The following MYO1E variants were observed in gnomAD, a reference collection of about 807,000 sequenced individuals.
MYO1E encodes unconventional myosin-Ie.
MYO1E carries 68 observed loss-of-function variants against 151.1 expected under a neutral mutation model. The observed-to-expected ratio is 0.45, with a 90% CI of 0.37 to 0.55. The LOEUF (loss-of-function observed/expected upper bound fraction) is 0.55. Among genes scored for constraint, MYO1E ranks in the 20% least tolerant of loss-of-function variants. MYO1E has a pLI of 0.00. For synonymous variants in MYO1E, 601 were observed against 501.7 expected (o/e 1.20, Z -2.64); for missense variants, 1,363 against 1,389.3 (o/e 0.98, Z 0.30).
intron 22 of MYO1E, among the ~76,000 whole-genome samples, chr15:59,167,390 C>T (rs554374262): frequency 1.2e-4 from 19 of 152,254 alleles, no homozygotes; most frequent in African/African-American, 4.6e-4. Context: ...TTCCATGGCA[C>T]CGAACTCAAC....
intron 1 of MYO1E, among the ~76,000 whole-genome samples, chr15:59,357,853 C>G (rs776650873): frequency 5.3e-5 from 8 of 151,910 alleles, no homozygotes; most frequent in Non-Finnish European, 1.2e-4. Flanking sequence ...TTGATTCCAG[C>G]CAGACACAAG....
chr15:59,296,779 T>C (rs531063202), intron 1 of MYO1E, among the ~76,000 whole-genome samples: 51 of 151,950 alleles, frequency 3.4e-4, no homozygotes, highest in African/African-American at 1.1e-3. Flanking sequence ...GTTTAAACCA[T>C]CTATTTTTAA....
chr15:59,353,066 T>C (rs2080832680), intron 1 of MYO1E, among the ~76,000 whole-genome samples: 1 of 152,182 alleles, frequency 6.6e-6, no homozygotes, highest in Non-Finnish European at 1.5e-5. Flanking sequence ...CCAACGGCAG[T>C]TGATTTTTAA....
chr15:59,139,495 A>T (rs1196668317), intron 26 of MYO1E, among the ~76,000 whole-genome samples: 1 of 81,384 alleles, frequency 1.2e-5, no homozygotes, highest in African/African-American at 6.4e-5. Flanking sequence ...CTTCTTTCCC[A>T]CCCCCTTATT....
At chr15:59,181,365 A>G (rs1008925754) in intron 18 of MYO1E, among the ~76,000 whole-genome samples, 8 of 152,354 alleles carry the variant, frequency 5.3e-5, no homozygotes, top group African/African-American at 1.9e-4. Flanking sequence ...ATTTCTGCCA[A>G]CCACAGAAAG....
At chr15:59,326,261 C>T (rs1033809357) in intron 1 of MYO1E, among the ~76,000 whole-genome samples, 15 of 151,936 alleles carry the variant, frequency 9.9e-5, no homozygotes, top group African/African-American at 3.6e-4. Context: ...GGCTCACGCC[C>T]GTAATTCCAG....
At chr15:59,343,803 C>T (rs751675360) in intron 1 of MYO1E, among the ~76,000 whole-genome samples, 2 of 152,016 alleles carry the variant, frequency 1.3e-5, no homozygotes, top group Non-Finnish European at 2.9e-5. Flanking sequence ...CAGACTCTGA[C>T]GCATTCTTCA....
intron 16 of MYO1E, among the ~76,000 whole-genome samples, chr15:59,201,689 C>A (rs2079803256): frequency 1.3e-5 from 2 of 152,208 alleles, no homozygotes; most frequent in South Asian, 4.1e-4. Flanking sequence ...CAGGCGTGAG[C>A]CACCGCACCC....
intron 13 of MYO1E, among the ~76,000 whole-genome samples, chr15:59,209,694 GTAAA>G (rs759023352): frequency 1.1e-3 from 159 of 150,722 alleles, no homozygotes; most frequent in Non-Finnish European, 1.8e-3. Flanking sequence ...AAATAAACAT[GTAAA>G]TAAATAAATA....
At chr15:59,210,686 A>T in intron 12 of MYO1E, 86 bp from the exon 13 acceptor site, 1 of 919,942 alleles carries the variant, frequency 1.1e-6, no homozygotes, top group East Asian at 2.4e-5. Context: ...AAAAATTCCC[A>T]TAAAAGAGAA....
At position 59,178,546 on chromosome 15, in the gene MYO1E, A is replaced by C. The variant is rs766550126; in HGVS notation, c.1905-9T>G. 1 of 1,613,708 alleles carries C rather than the reference A, an allele frequency of 6.2e-7. No homozygotes were observed. Among genetic ancestry groups the C allele is most frequent in the Admixed American group, 1.7e-5 (1 of 60,000 alleles). On this transcript the variant is annotated splice_polypyrimidine_tract_variant and intron_variant, in intron 18 of 27. Transcript: ENST00000288235. Reference sequence around the variant, plus strand: ...TGGTCAGAATGGCATACCTGTGGGGACATTGGGGAGAAGAGAATCACACTT... The same window carrying C: ...TGGTCAGAATGGCATACCTGTGGGGCCATTGGGGAGAAGAGAATCACACTT...
chr15:59,323,433 G>A (rs1393643024), intron 1 of MYO1E, among the ~76,000 whole-genome samples: 1 of 151,562 alleles, frequency 6.6e-6, no homozygotes, highest in African/African-American at 2.4e-5. Context: ...GTGGGAGATG[G>A]CAAGGTCAGG....
intron 1 of MYO1E, among the ~76,000 whole-genome samples, chr15:59,353,426 C>G (rs1317758359): frequency 6.8e-6 from 1 of 147,634 alleles, no homozygotes; most frequent in African/African-American, 2.5e-5. Flanking sequence ...ATTTACAACA[C>G]GAACCAGAAT....
chr15:59,228,755 A>G (rs1166632182), intron 6 of MYO1E, among the ~76,000 whole-genome samples: 2 of 152,146 alleles, frequency 1.3e-5, no homozygotes, highest in African/African-American at 4.8e-5. Flanking sequence ...CATCTCAGGG[A>G]TGAATTCAGC....
At chr15:59,263,036 A>G (rs2080233252) in intron 2 of MYO1E, among the ~76,000 whole-genome samples, 1 of 150,892 alleles carries the variant, frequency 6.6e-6, no homozygotes, top group South Asian at 2.1e-4. Context: ...AAAAAAATCT[A>G]AACAACACAC....
intron 1 of MYO1E, among the ~76,000 whole-genome samples, chr15:59,331,827 T>A (rs567078480): frequency 6.6e-6 from 1 of 152,252 alleles, no homozygotes; most frequent in South Asian, 2.1e-4. Flanking sequence ...TCTGTTTATA[T>A]GTAGCTAGTT....
At chr15:59,319,331 T>C (rs1335820856) in intron 1 of MYO1E, among the ~76,000 whole-genome samples, 2 of 151,722 alleles carry the variant, frequency 1.3e-5, no homozygotes, top group Non-Finnish European at 2.9e-5. Flanking sequence ...AAAAAGAAAA[T>C]TTAGTTCAAA....
rs2079351748 is a variant in MYO1E at position 59,132,622 on chromosome 15, T to A, written c.*4758A>T. 1 of 152,036 alleles carries A rather than the reference T, an allele frequency of 6.6e-6. No homozygotes were observed. Among genetic ancestry groups the A allele is most frequent in the South Asian group, 2.1e-4 (1 of 4,820 alleles). The allele number at this position is 152,036 out of a possible 1,614,324, so 9.4% of individuals were successfully genotyped here. A position where few individuals can be genotyped will look rare whatever the true frequency, so the allele number is the denominator to read the frequency against. ...AAACCATATCATAAAAACACGGAAA[T>A]TAAAAATGAGATGATGTATCCATAG... On this transcript the variant is annotated 3_prime_UTR_variant, in exon 28 of 28. Transcript: ENST00000288235.
At chr15:59,239,190 G>C (rs72625730) in intron 4 of MYO1E, among the ~76,000 whole-genome samples, 26,399 of 149,418 alleles carry the variant, frequency 0.18, 3,038 homozygotes, top group East Asian at 0.54. Flanking sequence ...TGGGCAACAA[G>C]AATGAAACTG....
Sources: allele counts gnomAD v4.1 joint callset (sites outside exome capture counted in the v4.1 genomes callset), GRCh38; gene constraint gnomAD v4.1.1; transcripts MANE v1.5; gene names NCBI Gene and HGNC (gene_info 2026-07-23, HGNC 2026-07-21).